MAML3: variants seen among roughly 807,000 people sequenced by gnomAD.
The protein encoded by MAML3 is mastermind-like protein 3.
A neutral mutation model predicts 101.9 loss-of-function variants in MAML3; 27 were observed. The ratio of observed to expected loss-of-function variants is 0.27; its 90% CI spans 0.20 to 0.37. The LOEUF (loss-of-function observed/expected upper bound fraction) is 0.37, where lower values mean the gene tolerates loss of function less well. MAML3 is among the 10% of genes least tolerant of loss of function. The pLI, the probability that MAML3 is intolerant of heterozygous loss-of-function variation, is 1.00. For missense variants in MAML3, 1,316 were observed against 1,444.9 expected (o/e 0.91, Z 1.45); for synonymous variants, 501 against 555.9 (o/e 0.90, Z 1.39).
At chr4:139,827,702 A>C (rs1262411432) in intron 2 of MAML3, among the ~76,000 whole-genome samples, 1 of 152,214 alleles carries the variant, frequency 6.6e-6, no homozygotes, top group East Asian at 1.9e-4. Context: ...TATGAAGTGG[A>C]AATATAATGT....
chr4:139,926,566 C>CTCCA (rs1252589704), intron 1 of MAML3, among the ~76,000 whole-genome samples: 1 of 152,196 alleles, frequency 6.6e-6, no homozygotes, highest in Non-Finnish European at 1.5e-5. Flanking sequence ...CACCACTGCA[C>CTCCA]TCCAGCCTGG....
At chr4:140,031,925 A>G (rs1285412904) in intron 1 of MAML3, among the ~76,000 whole-genome samples, 1 of 151,836 alleles carries the variant, frequency 6.6e-6, no homozygotes. Context: ...CTCACCCCCA[A>G]CTCTTACTGG....
At chr4:139,866,533 G>A (rs1050865707) in intron 2 of MAML3, among the ~76,000 whole-genome samples, 1 of 152,192 alleles carries the variant, frequency 6.6e-6, no homozygotes, top group Admixed American at 6.5e-5. Flanking sequence ...CCCCCAGAGA[G>A]GTTTTCACGG....
At chr4:139,887,844 A>G (rs1246985090) in intron 2 of MAML3, among the ~76,000 whole-genome samples, 1 of 152,186 alleles carries the variant, frequency 6.6e-6, no homozygotes, top group Non-Finnish European at 1.5e-5. Flanking sequence ...TATATTGCCT[A>G]TATTTCTGCC....
rs539060351 is a variant in MAML3 at position 140,105,969 on chromosome 4, C to T, written c.468+46891G>A. On this transcript the variant is annotated intron_variant, in intron 1 of 4. Coordinates refer to ENST00000509479, the MANE Select transcript of MAML3 (RefSeq NM_018717.5). ...ATGAGCCAGCCTGGTTTTTCTACCT[C>T]AATGACTCCTAATCCCACGTTTAGG... Among the ~76,000 whole-genome samples the T allele has an allele frequency of 2.6e-5, 4 of 152,214 alleles. No homozygotes were observed. The South Asian group carries it at 8.3e-4, about 32-fold the overall frequency.
intron 1 of MAML3, among the ~76,000 whole-genome samples, chr4:139,965,397 C>A (rs566321899): frequency 6.6e-6 from 1 of 152,260 alleles, no homozygotes; most frequent in South Asian, 2.1e-4. Context: ...ATGGCTCAGG[C>A]AGCCTCTGTG....
chr4:139,744,209 A>C (rs979438026), intron 2 of MAML3, among the ~76,000 whole-genome samples: 3 of 152,230 alleles, frequency 2.0e-5, no homozygotes, highest in African/African-American at 7.2e-5. Context: ...TGGCTGACCT[A>C]ATAGAGGTTC....
intron 1 of MAML3, among the ~76,000 whole-genome samples, chr4:140,111,244 G>C (rs1478360095): frequency 2.0e-4 from 30 of 152,010 alleles, no homozygotes; most frequent in Admixed American, 2.0e-3. Flanking sequence ...CTGCTGGATG[G>C]GCCTTTTTAT....
chr4:139,971,716 T>A (rs1183915719), intron 1 of MAML3, among the ~76,000 whole-genome samples: 1 of 152,240 alleles, frequency 6.6e-6, no homozygotes, highest in Non-Finnish European at 1.5e-5. Context: ...ACTTCCATTT[T>A]CTGGGTTAGG....
chr4:139,800,419 C>T (rs994352993), intron 2 of MAML3, among the ~76,000 whole-genome samples: 8 of 152,116 alleles, frequency 5.3e-5, no homozygotes, highest in African/African-American at 1.9e-4. Flanking sequence ...GGGGCTGTCT[C>T]AAATACCTGT....
At position 140,060,365 on chromosome 4, in the gene MAML3, CAA is replaced by C. The variant is rs70943471; in HGVS notation, c.468+92493_468+92494del. 8.9e-4 allele frequency among the ~76,000 whole-genome samples: 17 copies of C among 19,122 alleles called. 1 individual carries two copies. Among genetic ancestry groups the C allele is most frequent in the East Asian group, 2.1e-3 (1 of 476 alleles). The allele number at this position is 19,122 out of a possible 152,430, so 12.5% of individuals were successfully genotyped here. A position where few individuals can be genotyped will look rare whatever the true frequency, so the allele number is the denominator to read the frequency against. On this transcript the variant is annotated intron_variant, in intron 1 of 4. Coordinates refer to ENST00000509479, the MANE Select transcript of MAML3 (RefSeq NM_018717.5). ...TGGGCGACAGAGTAAGACTCTGTCTCAAAAAAAAAAAAAAAAAAAAGTCACAA... is the reference window on the plus strand; with the variant it reads ...TGGGCGACAGAGTAAGACTCTGTCTCAAAAAAAAAAAAAAAAAAGTCACAA...
intron 3 of MAML3, among the ~76,000 whole-genome samples, chr4:139,728,537 C>T (rs1434260722): frequency 6.6e-5 from 10 of 152,166 alleles, no homozygotes; most frequent in African/African-American, 2.4e-4. Context: ...GTGGTTTTTC[C>T]AAAATCACAT....
chr4:139,949,673 T>A (rs781388855), intron 1 of MAML3, among the ~76,000 whole-genome samples: 11 of 152,212 alleles, frequency 7.2e-5, no homozygotes, highest in Non-Finnish European at 1.6e-4. Context: ...AAAATATCAA[T>A]GTTGTCTTAA....
chr4:139,843,958 C>T (rs1469455216), intron 2 of MAML3, among the ~76,000 whole-genome samples: 3 of 152,198 alleles, frequency 2.0e-5, no homozygotes, highest in Non-Finnish European at 4.4e-5. Context: ...TCTTCTATTG[C>T]ACTGCGCTGA....
chr4:140,083,957 CACACACACACAGAGAGAGAG>C (rs760688259), intron 1 of MAML3, among the ~76,000 whole-genome samples: 14 of 27,282 alleles, frequency 5.1e-4, no homozygotes, highest in African/African-American at 1.4e-3. Flanking sequence ...CACACACACA[CACACACACACAGAGAGAGAG>C]AGAGAGAGAG....
At chr4:139,940,367 A>G (rs1163206034) in intron 1 of MAML3, among the ~76,000 whole-genome samples, 1 of 152,198 alleles carries the variant, frequency 6.6e-6, no homozygotes, top group Admixed American at 6.5e-5. Flanking sequence ...AAGATTTAAT[A>G]GGGCACCTAA....
chr4:139,986,863 T>C (rs1196573840), intron 1 of MAML3, among the ~76,000 whole-genome samples: 1 of 152,240 alleles, frequency 6.6e-6, no homozygotes, highest in African/African-American at 2.4e-5. Context: ...ATGTGGCTGA[T>C]AGGTCTCAGG....
Position 139,720,158 on chromosome 4 carries a change from T to A in MAML3, c.2582A>T (p.Tyr861Phe). 6.2e-7 allele frequency: 1 copy of A among 1,614,078 alleles called. No individual in the cohort carries two copies. Among genetic ancestry groups the A allele is most frequent in the Non-Finnish European group, 8.5e-7 (1 of 1,179,900 alleles). Reference protein sequence around the residue: ...AAQSEMGLAPYSTTPTSQPGM... With the variant: ...AAQSEMGLAPFSTTPTSQPGM... ...TGGTTGGCTGGTAGGCGTGGTGCTATAAGGGGCCAGTCCCATCTCCGACTG... is the reference window on the plus strand; with the variant it reads ...TGGTTGGCTGGTAGGCGTGGTGCTAAAAGGGGCCAGTCCCATCTCCGACTG... Residue 861 changes from tyrosine to phenylalanine, a missense_variant, in exon 5 of 5, where the codon TAT becomes TTT. Coordinates refer to ENST00000509479, the MANE Select transcript of MAML3 (RefSeq NM_018717.5).
chr4:140,137,267 C>T (rs556634155), intron 1 of MAML3, among the ~76,000 whole-genome samples: 4 of 152,232 alleles, frequency 2.6e-5, no homozygotes, highest in Non-Finnish European at 5.9e-5. Context: ...GGATTACAGG[C>T]GTGAGCCACC....
Sources: allele counts gnomAD v4.1 joint callset (sites outside exome capture counted in the v4.1 genomes callset), GRCh38; gene constraint gnomAD v4.1.1; transcripts MANE v1.5; gene names NCBI Gene and HGNC (gene_info 2026-07-23, HGNC 2026-07-21).